The following BCL7C variants were observed in gnomAD, a reference collection of about 807,000 sequenced individuals.
BCL7C encodes the protein B-cell CLL/lymphoma 7 protein family member C.
Under a neutral mutation model 26.2 loss-of-function variants are expected in BCL7C, and 8 were observed. The observed-to-expected ratio is 0.30, with a 90% confidence interval of 0.18 to 0.55. BCL7C has a LOEUF of 0.55. BCL7C is among the 20% of genes least tolerant of loss of function. BCL7C has a pLI of 0.93. For synonymous variants in BCL7C, 90 were observed against 116.5 expected, an observed-to-expected ratio of 0.77 and a Z score of 1.47; for missense variants, 262 against 298.5, an observed-to-expected ratio of 0.88 and a Z score of 0.90.
chr16:30,853,109 A>T (rs2054691035), intron 5 of BCL7C, among the ~76,000 whole-genome samples: 1 of 148,362 alleles, frequency 6.7e-6, no homozygotes, highest in Non-Finnish European at 1.5e-5. Context: ...CTAATTTTGT[A>T]TTTTTTTCAG....
chr16:30,857,963 C>T (rs1313186415), intron 5 of BCL7C, among the ~76,000 whole-genome samples: 1 of 109,752 alleles, frequency 9.1e-6, no homozygotes, highest in Non-Finnish European at 1.8e-5. Flanking sequence ...AAGAGCGAAA[C>T]TCCAACTCCA....
At chr16:30,885,801 C>T (rs897432116), downstream of BCL7C, among the ~76,000 whole-genome samples, 10 of 152,322 alleles carry the variant, frequency 6.6e-5, no homozygotes, top group East Asian at 1.9e-3. Context: ...CTTCCCTGGA[C>T]AGCACTGGCT....
intron 5 of BCL7C, among the ~76,000 whole-genome samples, chr16:30,873,557 C>T (rs905385751): frequency 6.6e-6 from 1 of 151,852 alleles, no homozygotes; most frequent in Non-Finnish European, 1.5e-5. Context: ...TTTTAAAATA[C>T]GTATATATGG....
At chr16:30,861,857 C>CTTTTTTT (rs35135586) in intron 5 of BCL7C, among the ~76,000 whole-genome samples, 1 of 68,834 alleles carries the variant, frequency 1.5e-5, no homozygotes, top group Admixed American at 2.2e-4. Flanking sequence ...GGACAACATG[C>CTTTTTTT]TTTTTTTTTT....
At position 30,893,952 on chromosome 16, in the gene BCL7C, G is replaced by T; in HGVS notation, c.-8C>A. The T allele has an allele frequency of 6.6e-7, 1 of 1,518,034 alleles. No individual in the cohort carries two copies. The highest frequency in any genetic ancestry group is 8.8e-7 in the Non-Finnish European group (1 of 1,134,930). The allele number at this position is 1,518,034 out of a possible 1,614,324, so 94.0% of individuals were successfully genotyped here. ...TACAGTCCGGCCGGCCATGCTGGCG[G>T]GGCTGGGGCCGGGGCCGAGCCCGCG... On this transcript the variant is annotated 5_prime_UTR_variant, in exon 1 of 6. Transcript: ENST00000215115. This position sits in a 1 kb window ranked among gnomAD's most constrained non-coding sequence, Gnocchi z 5.2.
chr16:30,879,696 A>AAAAAAAAAAAAAAAAC (rs2055010799), intron 5 of BCL7C, among the ~76,000 whole-genome samples: 1 of 143,222 alleles, frequency 7.0e-6, no homozygotes, highest in African/African-American at 2.5e-5. Context: ...CTACAAAAAA[A>AAAAAAAAAAAAAAAAC]AAAAAAAAAA....
chr16:30,863,359 ATTTATACTGAC>A (rs954821550), intron 5 of BCL7C, among the ~76,000 whole-genome samples: 2 of 152,152 alleles, frequency 1.3e-5, no homozygotes, highest in Non-Finnish European at 1.5e-5. Context: ...ATGCATCAAA[ATTTATACTGAC>A]TCTAAATATG....
chr16:30,887,577 C>T (rs1420791258), downstream of BCL7C, among the ~76,000 whole-genome samples: 3 of 151,872 alleles, frequency 2.0e-5, no homozygotes, highest in South Asian at 2.1e-4. Context: ...GGTCCTGGGC[C>T]TCCCAGAGGA....
intron 5 of BCL7C, among the ~76,000 whole-genome samples, chr16:30,865,829 C>A (rs1051818467): frequency 6.7e-6 from 1 of 148,904 alleles, no homozygotes; most frequent in East Asian, 2.0e-4. Context: ...CAGGTTCAAG[C>A]GATTCTCCTG....
chr16:30,850,641 A>G (rs991058359), intron 5 of BCL7C, among the ~76,000 whole-genome samples: 1 of 152,224 alleles, frequency 6.6e-6, no homozygotes, highest in Admixed American at 6.5e-5. Context: ...GTGTATTTAA[A>G]CACACAGAAA....
downstream of BCL7C, among the ~76,000 whole-genome samples, chr16:30,884,423 GTGTGGCCT>G (rs2055095286): frequency 6.6e-6 from 1 of 151,074 alleles, no homozygotes; most frequent in African/African-American, 2.4e-5. Flanking sequence ...GTCTCTCCAT[GTGTGGCCT>G]AATTTAACTC....
At chr16:30,861,140 C>T (rs934682476) in intron 5 of BCL7C, among the ~76,000 whole-genome samples, 5 of 152,110 alleles carry the variant, frequency 3.3e-5, no homozygotes, top group African/African-American at 4.8e-5. Flanking sequence ...GTCCATGGCC[C>T]GTTTGGCAAT....
intron 5 of BCL7C, among the ~76,000 whole-genome samples, chr16:30,843,633 A>C (rs1214561473): frequency 6.6e-6 from 1 of 152,136 alleles, no homozygotes; most frequent in East Asian, 1.9e-4. Flanking sequence ...TGCCATGGAC[A>C]CTGAGCGTTA....
At chr16:30,843,344 T>G (rs1160861016) in intron 5 of BCL7C, among the ~76,000 whole-genome samples, 2 of 152,086 alleles carry the variant, frequency 1.3e-5, no homozygotes, top group Admixed American at 1.3e-4. Flanking sequence ...GAGGATCACT[T>G]GAGACCAGGA....
intron 5 of BCL7C, among the ~76,000 whole-genome samples, chr16:30,862,200 C>T (rs1047601020): frequency 1.4e-4 from 22 of 152,202 alleles, no homozygotes; most frequent in Non-Finnish European, 2.5e-4. Flanking sequence ...CTTATTAGGT[C>T]GAGACATTTT....
chr16:30,890,084 G>A (rs1020258374), intron 4 of BCL7C, among the ~76,000 whole-genome samples: 4 of 152,084 alleles, frequency 2.6e-5, no homozygotes, highest in East Asian at 1.9e-4. Context: ...CCAATCAGAC[G>A]GGTTTGACTG....
downstream of BCL7C, among the ~76,000 whole-genome samples, chr16:30,883,453 C>T (rs1189790527): frequency 6.7e-6 from 1 of 148,962 alleles, no homozygotes; most frequent in Non-Finnish European, 1.5e-5. Flanking sequence ...TGGGCTCAAG[C>T]GAGCCTCCCG....
downstream of BCL7C, among the ~76,000 whole-genome samples, chr16:30,887,435 C>T (rs2055149771): frequency 6.7e-6 from 1 of 149,654 alleles, no homozygotes; most frequent in South Asian, 2.1e-4. Context: ...CATGATCGCA[C>T]CACTGCACTC....
chr16:30,846,474 A>C (rs1260191772), intron 5 of BCL7C, among the ~76,000 whole-genome samples: 1 of 151,818 alleles, frequency 6.6e-6, no homozygotes, highest in Non-Finnish European at 1.5e-5. Flanking sequence ...TGATCCGCCC[A>C]CCTAGGCCTC....
Sources: allele counts gnomAD v4.1 joint callset (sites outside exome capture counted in the v4.1 genomes callset), GRCh38; gene constraint gnomAD v4.1.1; non-coding constraint Gnocchi (gnomAD v3.1); transcripts MANE v1.5; gene names NCBI Gene and HGNC (gene_info 2026-07-23, HGNC 2026-07-21).